The following RERE variants were observed in gnomAD, a reference collection of about 807,000 sequenced individuals.
RERE encodes the protein arginine-glutamic acid dipeptide repeats protein.
RERE carries 40 observed loss-of-function variants against 146.1 expected under a neutral mutation model. That is an observed-to-expected ratio of 0.27 (90% CI 0.21 to 0.36). The LOEUF is 0.36. RERE is among the 10% of genes least tolerant of loss of function. RERE has a pLI of 1.00. For synonymous variants in RERE, 1,003 were observed against 866.0 expected, an observed-to-expected ratio of 1.16 and a Z score of -2.78; for missense variants, 1,933 against 2,138.7, an observed-to-expected ratio of 0.90 and a Z score of 1.90.
At chr1:8,674,376 G>A (rs374465216) in intron 1 of RERE, among the ~76,000 whole-genome samples, 5 of 152,136 alleles carry the variant, frequency 3.3e-5, no homozygotes, top group Admixed American at 1.3e-4. Context: ...AAACAGCTAC[G>A]TCTTCAGAGG....
At chr1:8,576,216 G>GA (rs76238175) in intron 4 of RERE, among the ~76,000 whole-genome samples, 177 of 141,212 alleles carry the variant, frequency 1.3e-3, no homozygotes, top group African/African-American at 2.1e-3. Flanking sequence ...TGGTTCTAGG[G>GA]AAAAAAAAAA....
Position 8,542,048 on chromosome 1 carries a change from G to A in RERE, c.726-730C>T, listed in dbSNP as rs990458244. On this transcript the variant is annotated intron_variant, in intron 6 of 22. Coordinates refer to ENST00000400908, the MANE Select transcript of RERE (RefSeq NM_001042681.2). ...AACCCTACAATACTTACTCCAAAAC[G>A]GCTTAAGCAATGTTTCCATGCACCA... Among the ~76,000 whole-genome samples the A allele has an allele frequency of 7.2e-5, 11 of 152,200 alleles. No homozygotes were observed. In the East Asian group the frequency reaches 2.1e-3, roughly 29 times the overall value.
chr1:8,376,461 T>A (rs1175976982), intron 12 of RERE, among the ~76,000 whole-genome samples: 3 of 152,200 alleles, frequency 2.0e-5, no homozygotes, highest in Non-Finnish European at 4.4e-5. Context: ...ATTATGCACA[T>A]GTCTATAGAA....
At chr1:8,667,956 A>T (rs996863982) in intron 1 of RERE, among the ~76,000 whole-genome samples, 51 of 152,184 alleles carry the variant, frequency 3.4e-4, no homozygotes, top group African/African-American at 1.1e-3. Context: ...CCTGGCCTCA[A>T]CCCATACAGA....
At chr1:8,647,868 G>A (rs1053837482) in intron 2 of RERE, among the ~76,000 whole-genome samples, 4 of 152,076 alleles carry the variant, frequency 2.6e-5, no homozygotes, top group South Asian at 2.1e-4. Flanking sequence ...TTAAAATATC[G>A]GGGACTCCCT....
chr1:8,541,201 G>C lies in RERE; in HGVS notation c.830+13C>G. ...AAGAGTTCTCAATGAATGGACACAA[G>C]TGACTCACTTACCTTGTCTCAGGGT... is the stretch of plus-strand genomic sequence containing the variant. On this transcript the variant is annotated intron_variant, in intron 7 of 22. Transcript: ENST00000400908. 1 of 1,404,436 alleles carries C rather than the reference G, an allele frequency of 7.1e-7. No homozygotes were observed. Among genetic ancestry groups the C allele is most frequent in the Non-Finnish European group, 1.0e-6 (1 of 994,866 alleles). 87.0% of individuals were successfully genotyped at this position (1,404,436 alleles called of 1,614,324 possible).
chr1:8,755,355 T>G (rs1444204156), intron 1 of RERE, among the ~76,000 whole-genome samples: 3 of 152,258 alleles, frequency 2.0e-5, no homozygotes, highest in Non-Finnish European at 4.4e-5. Context: ...CCCTTTTACC[T>G]AAACCACAAA....
intron 1 of RERE, among the ~76,000 whole-genome samples, chr1:8,663,342 A>C (rs183766685): frequency 1.4e-4 from 22 of 152,230 alleles, no homozygotes; most frequent in African/African-American, 5.3e-4. Context: ...CCTCCAGTTA[A>C]TTCTTCCTCA....
chr1:8,417,465 A>G (rs918052072), intron 12 of RERE, among the ~76,000 whole-genome samples: 2 of 152,216 alleles, frequency 1.3e-5, no homozygotes, highest in African/African-American at 4.8e-5. Context: ...CCCATTACTT[A>G]AAGTTAAAAA....
chr1:8,688,168 C>T (rs1639131942), intron 1 of RERE, among the ~76,000 whole-genome samples: 1 of 152,154 alleles, frequency 6.6e-6, no homozygotes, highest in Admixed American at 6.5e-5. Context: ...CAGGGCACAG[C>T]GACTAACGCC....
chr1:8,695,589 A>T (rs973542088), intron 1 of RERE, among the ~76,000 whole-genome samples: 2 of 92,452 alleles, frequency 2.2e-5, no homozygotes, highest in East Asian at 1.7e-3. Context: ...ATTTCTACTA[A>T]AAAAAAAAAA....
At position 8,507,347 on chromosome 1, in the gene RERE, C is replaced by T. The variant is rs72867517; in HGVS notation, c.879+1280G>A. Reference sequence around the variant, plus strand: ...CAATGAAATAAGAAAGAGCAACAGTCGTGACACAGCAACCCTCTGACTGAA... The same window carrying T: ...CAATGAAATAAGAAAGAGCAACAGTTGTGACACAGCAACCCTCTGACTGAA... On this transcript the variant is annotated intron_variant, in intron 8 of 22. Transcript: ENST00000400908. Among the ~76,000 whole-genome samples the T allele has an allele frequency of 1.8e-3, 269 of 152,318 alleles. 1 individual carries two copies. The highest frequency in any genetic ancestry group is 5.1e-3 in the African/African-American group (214 of 41,586).
chr1:8,813,672 T>C (rs987400471), intron 1 of RERE, among the ~76,000 whole-genome samples: 8 of 148,772 alleles, frequency 5.4e-5, no homozygotes, highest in African/African-American at 2.0e-4. Flanking sequence ...TGGAGTACAG[T>C]GGTGCCAATC....
intron 12 of RERE, among the ~76,000 whole-genome samples, chr1:8,416,076 C>A (rs1643749607): frequency 6.6e-6 from 1 of 152,176 alleles, no homozygotes; most frequent in African/African-American, 2.4e-5. Context: ...TGGTATTAAA[C>A]CTTTATGACT....
intron 8 of RERE, among the ~76,000 whole-genome samples, chr1:8,507,494 G>GCCC: frequency 6.6e-6 from 1 of 152,166 alleles, no homozygotes; most frequent in South Asian, 2.1e-4. Flanking sequence ...TGCAACCTCC[G>GCCC]CCCCCTGGGT....
intron 4 of RERE, among the ~76,000 whole-genome samples, chr1:8,601,185 G>A (rs984013659): frequency 1.3e-5 from 2 of 151,194 alleles, no homozygotes; most frequent in African/African-American, 4.9e-5. Context: ...ATGCCCGGCT[G>A]TTTTGTATTT....
chr1:8,481,672 G>A (rs2124182609), intron 10 of RERE, among the ~76,000 whole-genome samples: 1 of 152,262 alleles, frequency 6.6e-6, no homozygotes, highest in Non-Finnish European at 1.5e-5. Flanking sequence ...CTGACCAATA[G>A]TTGATACCTT....
intron 4 of RERE, among the ~76,000 whole-genome samples, chr1:8,607,194 C>T (rs1164495795): frequency 6.6e-6 from 1 of 151,832 alleles, no homozygotes; most frequent in Admixed American, 6.6e-5. Flanking sequence ...AGCCCCGTCT[C>T]TAAAAAAATT....
At chr1:8,403,031 TG>T (rs1356234855) in intron 12 of RERE, among the ~76,000 whole-genome samples, 1 of 152,174 alleles carries the variant, frequency 6.6e-6, no homozygotes, top group East Asian at 1.9e-4. Context: ...CCCTGGTAGC[TG>T]GGACTACAGG....
Sources: gnomAD v4.1 joint callset for allele counts (sites outside exome capture counted in the v4.1 genomes callset) on GRCh38, gnomAD v4.1.1 for gene constraint, MANE v1.5 for transcripts, NCBI Gene and HGNC (gene_info 2026-07-23, HGNC 2026-07-21) for gene names.